The following ECE1 variants were observed in gnomAD, a reference collection of about 807,000 sequenced individuals.
ECE1 encodes the protein endothelin-converting enzyme 1.
A neutral mutation model predicts 98.6 loss-of-function variants in ECE1; 35 were observed. The observed-to-expected ratio is 0.35, with a 90% CI of 0.27 to 0.47. ECE1 has a LOEUF of 0.47. Ranked by LOEUF, ECE1 falls within the 20% of genes least tolerant of loss-of-function variation. ECE1 has a pLI of 1.00. For missense variants in ECE1, 814 were observed against 1,025.3 expected, an observed-to-expected ratio of 0.79 and a Z score of 2.81; for synonymous variants, 394 against 407.1, an observed-to-expected ratio of 0.97 and a Z score of 0.39.
At chr1:21,315,689 G>A (rs961660227) in intron 1 of ECE1, among the ~76,000 whole-genome samples, 4 of 151,410 alleles carry the variant, frequency 2.6e-5, no homozygotes, top group Non-Finnish European at 4.4e-5. Context: ...AGCTACTTGC[G>A]AGGCTGAGGT....
chr1:21,312,873 T>C (rs1172649336), intron 1 of ECE1, among the ~76,000 whole-genome samples: 1 of 152,148 alleles, frequency 6.6e-6, no homozygotes, highest in Non-Finnish European at 1.5e-5. Context: ...TAGGTAGCTA[T>C]GAGAATTAAA....
intron 9 of ECE1, among the ~76,000 whole-genome samples, chr1:21,245,584 C>G (rs2098202304): frequency 6.6e-6 from 1 of 152,188 alleles, no homozygotes; most frequent in African/African-American, 2.4e-5. Flanking sequence ...TACTGCCCCA[C>G]CTGCAGGGCA....
At chr1:21,289,605 C>T (rs1030048760) in intron 2 of ECE1, among the ~76,000 whole-genome samples, 1 of 152,148 alleles carries the variant, frequency 6.6e-6, no homozygotes, top group African/African-American at 2.4e-5. Context: ...TACTGCCTCC[C>T]GGATAAGGTG....
upstream of ECE1, among the ~76,000 whole-genome samples, chr1:21,292,903 G>A (rs1638247165): frequency 6.6e-6 from 1 of 152,188 alleles, no homozygotes; most frequent in South Asian, 2.1e-4. Context: ...AGAGAGAGAG[G>A]GGACTCTGAG....
chr1:21,274,031 T>A (rs955934824), intron 3 of ECE1, among the ~76,000 whole-genome samples: 1 of 152,256 alleles, frequency 6.6e-6, no homozygotes, highest in Non-Finnish European at 1.5e-5. Flanking sequence ...TTACCCAGGC[T>A]GTGCTGATGA....
In ECE1 at chr1:21,327,638, T is replaced by C. The variant is rs1309866619; in HGVS notation, c.3+17738A>G. Among the ~76,000 whole-genome samples the C allele has an allele frequency of 6.6e-6, 1 of 152,128 alleles. No individual in the cohort carries two copies. Among genetic ancestry groups the C allele is most frequent in the Non-Finnish European group, 1.5e-5 (1 of 68,020 alleles). ...TTTTGGTATAGAGGAAAATAAAGCCTCACCTGGTCTGCACGGCCCTGCGGG... is the reference window on the plus strand; with the variant it reads ...TTTTGGTATAGAGGAAAATAAAGCCCCACCTGGTCTGCACGGCCCTGCGGG... On this transcript the variant is annotated intron_variant, in intron 1 of 18. Transcript: ENST00000415912. This position sits in a 1 kb window ranked among gnomAD's most constrained non-coding sequence, Gnocchi z 4.6.
At chr1:21,232,090 G>A (rs978360554) in intron 14 of ECE1, among the ~76,000 whole-genome samples, 32 of 152,196 alleles carry the variant, frequency 2.1e-4, no homozygotes, top group African/African-American at 7.5e-4. Context: ...ACATAGCGGG[G>A]TGTCCTGGTT....
intron 1 of ECE1, among the ~76,000 whole-genome samples, chr1:21,335,371 C>T (rs902600065): frequency 2.6e-5 from 4 of 152,178 alleles, no homozygotes; most frequent in African/African-American, 9.6e-5. Context: ...CCAGCTTCCT[C>T]CCCTAGAGTG....
intron 9 of ECE1, among the ~76,000 whole-genome samples, chr1:21,246,696 TC>T (rs1158113677): frequency 6.6e-6 from 1 of 152,104 alleles, no homozygotes; most frequent in Non-Finnish European, 1.5e-5. Flanking sequence ...TTACTCTGTC[TC>T]CCACGCTGGA....
Position 21,279,386 on chromosome 1 carries a change from T to C in ECE1, c.139-54A>G, listed in dbSNP as rs777277187. ...GAAGACGTGAGCCCCGGGCCCCGCTTCCCTTGGAGGAAGGGGTTCCGCTGC... is the reference window on the plus strand; with the variant it reads ...GAAGACGTGAGCCCCGGGCCCCGCTCCCCTTGGAGGAAGGGGTTCCGCTGC... On this transcript the variant is annotated intron_variant, in intron 2 of 18. Transcript: ENST00000374893. 5 of 1,613,248 alleles carry C rather than the reference T, an allele frequency of 3.1e-6. No individual in the cohort carries two copies. The African/African-American group carries it at 6.7e-5, about 22-fold the overall frequency.
intron 1 of ECE1, among the ~76,000 whole-genome samples, chr1:21,309,799 T>G (rs1638677294): frequency 7.3e-6 from 1 of 137,554 alleles, no homozygotes; most frequent in Non-Finnish European, 1.5e-5. Flanking sequence ...TTTTTTTTTT[T>G]GAGACGTTTT....
intron 8 of ECE1, 73 bp from the exon 9 acceptor site, chr1:21,247,436 C>A (rs1482948029): frequency 3.7e-6 from 6 of 1,609,562 alleles, no homozygotes; most frequent in Admixed American, 3.3e-5. Context: ...GGACGGGCTT[C>A]TACAGGAAGC....
chr1:21,257,530 C>T lies in ECE1; in HGVS notation c.823G>A (p.Glu275Lys), dbSNP rs767295923. Residue 275 changes from glutamate to lysine, a missense_variant, in exon 7 of 19, where the codon GAG becomes AAG. Transcript: ENST00000374893. ...GAGGGGAGAGGCACGCTTACCTTCT[C>T]GTTTTCAGTTTTGTTCAGGTAATAG... is the stretch of plus-strand genomic sequence containing the variant. Reference protein sequence around the residue: ...RDYYLNKTENEKVLTGYLNYM... With the variant: ...RDYYLNKTENKKVLTGYLNYM... 1.1e-5 allele frequency: 18 copies of T among 1,614,086 alleles called. No homozygotes were observed. The highest frequency in any genetic ancestry group is 4.0e-5 in the African/African-American group (3 of 74,948).
chr1:21,336,017 G>A (rs529132654), intron 1 of ECE1, among the ~76,000 whole-genome samples: 1 of 152,328 alleles, frequency 6.6e-6, no homozygotes, highest in East Asian at 1.9e-4. Flanking sequence ...AGGCCCTGGG[G>A]GCAGGGGCAG....
At chr1:21,283,192 G>T (rs563733664) in intron 2 of ECE1, among the ~76,000 whole-genome samples, 1 of 151,702 alleles carries the variant, frequency 6.6e-6, no homozygotes, top group Non-Finnish European at 1.5e-5. Context: ...TGATCCACCC[G>T]CCTTGGCCTC....
rs985939374 is a variant in ECE1, at chr1:21,307,806, G to T, written c.4-17650C>A. On this transcript the variant is annotated intron_variant, in intron 1 of 18. Coordinates refer to the ECE1 transcript ENST00000415912. The surrounding 1 kb of genome is among the most constrained non-coding windows in gnomAD (Gnocchi z 4.2). ...GACAGATAAGCCTCTATGAAAGGTGGCCAGGCACAGGAAAGAGGCCCTGCC... is the reference window on the plus strand; with the variant it reads ...GACAGATAAGCCTCTATGAAAGGTGTCCAGGCACAGGAAAGAGGCCCTGCC... Among the ~76,000 whole-genome samples the T allele has an allele frequency of 2.6e-5, 4 of 151,234 alleles. No homozygotes were observed. The highest frequency in any genetic ancestry group is 9.7e-5 in the African/African-American group (4 of 41,326).
At chr1:21,234,097 G>A (rs912078302) in intron 13 of ECE1, among the ~76,000 whole-genome samples, 4 of 151,508 alleles carry the variant, frequency 2.6e-5, no homozygotes, top group African/African-American at 7.3e-5. Context: ...AGTGATTCTC[G>A]TGCCTCAGCC....
At chr1:21,236,477 C>T (rs1399044659) in intron 12 of ECE1, among the ~76,000 whole-genome samples, 1 of 152,232 alleles carries the variant, frequency 6.6e-6, no homozygotes, top group African/African-American at 2.4e-5. Context: ...TGGAGAAACC[C>T]CATCTCTACT....
chr1:21,313,624 A>G (rs1229222044), intron 1 of ECE1, among the ~76,000 whole-genome samples: 1 of 152,196 alleles, frequency 6.6e-6, no homozygotes, highest in Non-Finnish European at 1.5e-5. Context: ...TGCTCCCTCA[A>G]CCTTGGAGTG....
Sources: gnomAD v4.1 joint callset for allele counts (sites outside exome capture counted in the v4.1 genomes callset) on GRCh38, gnomAD v4.1.1 for gene constraint, Gnocchi (gnomAD v3.1) non-coding constraint, MANE v1.5 for transcripts, NCBI Gene and HGNC (gene_info 2026-07-23, HGNC 2026-07-21) for gene names.